The following ZNF48 variants were observed in gnomAD, a reference collection of about 807,000 sequenced individuals.
ZNF48 encodes zinc finger protein 553.
Under a neutral mutation model 40.0 loss-of-function variants are expected in ZNF48, and 20 were observed. That is an observed-to-expected ratio of 0.50 (90% CI 0.35 to 0.73). The LOEUF (loss-of-function observed/expected upper bound fraction) is 0.73, where lower values mean the gene tolerates loss of function less well. Ranked by LOEUF, ZNF48 falls within the 30% of genes least tolerant of loss-of-function variation. The pLI is 0.01. For synonymous variants in ZNF48, 298 were observed against 329.7 expected, an observed-to-expected ratio of 0.90 and a Z score of 1.04; for missense variants, 726 against 851.9, an observed-to-expected ratio of 0.85 and a Z score of 1.84.
At chr16:30,379,298 C>T in intron 1 of ZNF48, 1 of 1,479,202 alleles carries the variant, frequency 6.8e-7, no homozygotes, top group Non-Finnish European at 9.3e-7. Flanking sequence ...GGTCCGCGGT[C>T]TGCAGCCCAG....
chr16:30,398,080 G>A lies in ZNF48; in HGVS notation c.830G>A (p.Cys277Tyr), dbSNP rs762574522. ...GPKAQDKPYI[C>Y]TDCGKRFVLS... Reference sequence around the variant, plus strand: ...AAGGCCCAGGACAAGCCATATATCTGCACTGATTGCGGCAAGAGGTTTGTG... The same window carrying A: ...AAGGCCCAGGACAAGCCATATATCTACACTGATTGCGGCAAGAGGTTTGTG... The change falls in exon 3 of 3, where the codon TGC becomes TAC. Residue 277 changes from cysteine to tyrosine, a missense_variant. By Grantham distance (194) the Cys-to-Tyr change is radical (BLOSUM62 -2). This residue lies in a region of ZNF48 where 378 missense variants were observed against 449.1 expected (regional missense o/e 0.84). Transcript: ENST00000613509. The surrounding 1 kb of genome is among the most constrained non-coding windows in gnomAD (Gnocchi z 6.6). The A allele has an allele frequency of 6.2e-7, 1 of 1,613,384 alleles. No individual in the cohort carries two copies. Among genetic ancestry groups the A allele is most frequent in the Non-Finnish European group, 8.5e-7 (1 of 1,179,560 alleles).
intron 1 of ZNF48, chr16:30,379,921 G>C: frequency 3.4e-6 from 5 of 1,454,974 alleles, no homozygotes; most frequent in Non-Finnish European, 4.8e-6. Context: ...TTCCTTCTTT[G>C]TTTCCCACAC....
In ZNF48 at chr16:30,398,807, C is replaced by G; in HGVS notation, c.1557C>G (p.Asn519Lys). The G allele has an allele frequency of 6.2e-7, 1 of 1,613,760 alleles. No individual in the cohort carries two copies. Among genetic ancestry groups the G allele is most frequent in the Non-Finnish European group, 8.5e-7 (1 of 1,180,028 alleles). The change falls in exon 3 of 3, where the codon AAC becomes AAG. Residue 519 changes from asparagine (N) to lysine (K), a missense_variant. Transcript: ENST00000613509. The surrounding 1 kb of genome is among the most constrained non-coding windows in gnomAD (Gnocchi z 6.6). ...CATCCACTCTGCTGCGGCCACATAA[C>G]CCACCTGGCCCAGTACCCATGGCCC... ...PPPSTLLRPH[N>K]PPGPVPMAPR...
intron 1 of ZNF48, among the ~76,000 whole-genome samples, chr16:30,388,998 C>T (rs564137746): frequency 2.2e-4 from 33 of 152,240 alleles, no homozygotes; most frequent in African/African-American, 6.3e-4. Flanking sequence ...TGGTGGCTCA[C>T]GCCTGTAATC....
At chr16:30,383,470 T>C (rs2049875337) in intron 1 of ZNF48, among the ~76,000 whole-genome samples, 1 of 152,070 alleles carries the variant, frequency 6.6e-6, no homozygotes, top group Non-Finnish European at 1.5e-5. Flanking sequence ...ATTACGGGCG[T>C]GAGCCACCAT....
rs1480031268 is a variant in ZNF48 at position 30,382,747 on chromosome 16, A to G, written c.-16+4337A>G. The G allele has an allele frequency of 6.5e-7, 1 of 1,536,040 alleles. No homozygotes were observed. Among genetic ancestry groups the G allele is most frequent in the African/African-American group, 1.4e-5 (1 of 73,006 alleles). On this transcript the variant is annotated intron_variant, in intron 1 of 2. Coordinates refer to the ZNF48 transcript ENST00000528032. This position sits in a 1 kb window ranked among gnomAD's most constrained non-coding sequence, Gnocchi z 4.8. ...CCTGTCTACGTACCTTCAACCCTCC[A>G]TCCTTCACACATCTGGATTCCAAGT...
chr16:30,395,309 C>T (rs1220856927), upstream of ZNF48: 1 of 453,686 alleles, frequency 2.2e-6, no homozygotes, highest in Admixed American at 2.4e-5. The surrounding 1 kb of genome is among the most constrained non-coding windows in gnomAD (Gnocchi z 5.9). Context: ...GGGCCGCACG[C>T]TGCCGCCCGC....
chr16:30,385,208 ATAATAATAATAATAT>A (rs1180782391), intron 1 of ZNF48, among the ~76,000 whole-genome samples: 1 of 145,932 alleles, frequency 6.9e-6, no homozygotes, highest in Non-Finnish European at 1.5e-5. Context: ...AATAATAATA[ATAATAATAATAATAT>A]AAATAAATAA....
At position 30,398,162 on chromosome 16, in the gene ZNF48, C is replaced by G. The variant is rs1379891180; in HGVS notation, c.912C>G (p.Gly304=). The G allele has an allele frequency of 6.2e-7, 1 of 1,614,004 alleles. No homozygotes were observed. The highest frequency in any genetic ancestry group is 8.5e-7 in the Non-Finnish European group (1 of 1,179,924). ...QRSHLGPKPF[G]CDVCGKEFAR... is the part of the protein sequence containing the mutation. The stretch of plus-strand genomic sequence containing the variant: ...GTCACTTGGGGCCCAAGCCCTTTGG[C>G]TGTGATGTGTGTGGAAAGGAGTTTG... Residue 304 remains glycine, a synonymous_variant, in exon 3 of 3, where the codon GGC becomes GGG. Coordinates refer to ENST00000613509, the MANE Select transcript of ZNF48 (RefSeq NM_001214909.2). This position sits in a 1 kb window ranked among gnomAD's most constrained non-coding sequence, Gnocchi z 6.6.
chr16:30,389,403 A>AT lies in ZNF48; in HGVS notation c.-15-6377_-15-6376insT, dbSNP rs1474734285. On this transcript the variant is annotated intron_variant, in intron 1 of 2. Coordinates refer to the ZNF48 transcript ENST00000528032. ...GAGACTCCATCTCAAAAAAAAAAAA[A>AT]AAATAATAATAATACAAAAATTAGC... 2.7e-4 allele frequency among the ~76,000 whole-genome samples: 41 copies of AT among 149,860 alleles called. 1 individual carries two copies. The East Asian group carries it at 7.6e-3, about 28-fold the overall frequency.
Position 30,381,471 on chromosome 16 carries a change from C to T in ZNF48, c.-16+3061C>T, listed in dbSNP as rs1388729029. On this transcript the variant is annotated intron_variant, in intron 1 of 2. Transcript: ENST00000528032. This position sits in a 1 kb window ranked among gnomAD's most constrained non-coding sequence, Gnocchi z 4.3. ...CTCGATGAATTTCACCACCGGAAGCCAGCTGGGTGTGGGGAGAGGATGTGA... is the reference window on the plus strand; with the variant it reads ...CTCGATGAATTTCACCACCGGAAGCTAGCTGGGTGTGGGGAGAGGATGTGA... The T allele has an allele frequency of 6.2e-7, 1 of 1,614,026 alleles. No individual in the cohort carries two copies. Among genetic ancestry groups the T allele is most frequent in the East Asian group, 2.2e-5 (1 of 44,880 alleles).
rs745970100 is a variant in ZNF48 at position 30,381,280 on chromosome 16, G to A, written c.-16+2870G>A. ...GGATTGGTCATTGCCCAGCCTCAGG[G>A]GGCAGAGACCCCCCAGCCCTCCCTA... On this transcript the variant is annotated intron_variant, in intron 1 of 2. Transcript: ENST00000528032. The surrounding 1 kb of genome is among the most constrained non-coding windows in gnomAD (Gnocchi z 4.3). 8 of 1,612,996 alleles carry A rather than the reference G, an allele frequency of 5.0e-6. No individual in the cohort carries two copies. The highest frequency in any genetic ancestry group is 6.8e-6 in the Non-Finnish European group (8 of 1,179,072).
chr16:30,385,962 T>G (rs117564698), intron 1 of ZNF48, among the ~76,000 whole-genome samples: 2,055 of 151,696 alleles, frequency 0.014, 34 homozygotes, highest in Non-Finnish European at 0.019. Context: ...CCGATCTGTA[T>G]TAAAAAAATA....
rs1423929109 is a variant in ZNF48 at position 30,399,144 on chromosome 16, G to C, written c.*37G>C. 1.3e-6 allele frequency: 2 copies of C among 1,517,602 alleles called. No homozygotes were observed. The highest frequency in any genetic ancestry group is 4.5e-5 in the East Asian group (2 of 44,030). 94.0% of individuals were successfully genotyped at this position (1,517,602 alleles called of 1,614,324 possible). On this transcript the variant is annotated 3_prime_UTR_variant, in exon 3 of 3. Transcript: ENST00000613509. ...GAGGGCGGAGGCCCAGGAGACCAAA[G>C]GGAGGGGCTCTGCCGCTTAGCAGAG...
At chr16:30,386,681 G>A (rs560643067) in intron 1 of ZNF48, among the ~76,000 whole-genome samples, 7 of 151,716 alleles carry the variant, frequency 4.6e-5, no homozygotes, top group African/African-American at 1.2e-4. Flanking sequence ...ATGGAGTTTC[G>A]CCCTTGTAGT....
chr16:30,395,604 A>G lies in ZNF48; in HGVS notation c.-16+26A>G. On this transcript the variant is annotated intron_variant, in intron 1 of 2. Transcript: ENST00000613509. This position sits in a 1 kb window ranked among gnomAD's most constrained non-coding sequence, Gnocchi z 5.9. The stretch of plus-strand genomic sequence containing the variant: ...GTGAGAGCGGCGGCTGCGCGCTGGG[A>G]GGAGCAGCAGGTGCAGGGGCGGCCG... The G allele has an allele frequency of 3.8e-6, 1 of 266,166 alleles. No individual in the cohort carries two copies. 16.5% of individuals were successfully genotyped at this position (266,166 alleles called of 1,614,324 possible).
At chr16:30,386,735 G>A (rs1170990509) in intron 1 of ZNF48, among the ~76,000 whole-genome samples, 1 of 151,876 alleles carries the variant, frequency 6.6e-6, no homozygotes, top group African/African-American at 2.4e-5. Flanking sequence ...TGTGATCTCG[G>A]CTCACTGCAA....
At position 30,397,977 on chromosome 16, in the gene ZNF48, C is replaced by G. The variant is rs369371622; in HGVS notation, c.727C>G (p.Arg243Gly). The change falls in exon 3 of 3, where the codon CGG becomes GGG. Residue 243 changes from arginine to glycine, a missense_variant. Arg to Gly is a moderately radical substitution (Grantham distance 125, BLOSUM62 -2). Transcript: ENST00000613509. This position sits in a 1 kb window ranked among gnomAD's most constrained non-coding sequence, Gnocchi z 4.1. The stretch of plus-strand genomic sequence containing the variant: ...CCGCATCAAGCACCAGCGGACACAC[C>G]GGGGGGAGCAGCCCCCCCGACCAGT... The part of the protein sequence containing the change: ...SARIKHQRTH[R>G]GEQPPRPVVP... 3.7e-6 allele frequency: 6 copies of G among 1,613,602 alleles called. No individual in the cohort carries two copies. The South Asian group carries it at 5.5e-5, about 15-fold the overall frequency.
rs1048990115 is a variant in ZNF48 at position 30,399,084 on chromosome 16, G to C, written c.1834G>C (p.Glu612Gln). ...GDGRARPLKQ[E>Q]AATGLE is the part of the protein sequence containing the mutation. ...TGGTAGGGCAAGGCCCCTCAAGCAG[G>C]AGGCAGCAACAGGACTGGAATGACG... Residue 612 changes from glutamate to glutamine, a missense_variant, in exon 3 of 3, where the codon GAG (glutamate) becomes CAG (glutamine). Glu to Gln is a conservative substitution (Grantham distance 29, BLOSUM62 2). Coordinates refer to ENST00000613509, the MANE Select transcript of ZNF48 (RefSeq NM_001214909.2). 10 of 1,597,270 alleles carry C rather than the reference G, an allele frequency of 6.3e-6. No individual in the cohort carries two copies. The highest frequency in any genetic ancestry group is 1.7e-4 in the Middle Eastern group (1 of 5,998).
Sources: gnomAD v4.1 joint callset for allele counts (sites outside exome capture counted in the v4.1 genomes callset) on GRCh38, gnomAD v4.1.1 for gene constraint, gnomAD v4.1.1 regional missense constraint, Gnocchi (gnomAD v3.1) non-coding constraint, MANE v1.5 for transcripts, NCBI Gene and HGNC (gene_info 2026-07-23, HGNC 2026-07-21) for gene names.